NLRP3: variants seen among roughly 807,000 people sequenced by gnomAD.
NLRP3 encodes NACHT, LRR and PYD domains-containing protein 3.
A neutral mutation model predicts 91.3 loss-of-function variants in NLRP3; 48 were observed. The ratio of observed to expected loss-of-function variants is 0.53; its 90% CI spans 0.42 to 0.67. The LOEUF (loss-of-function observed/expected upper bound fraction) is 0.67. NLRP3 is among the 30% of genes least tolerant of loss of function. The pLI, the probability that NLRP3 is intolerant of heterozygous loss-of-function variation, is 0.00. For synonymous variants in NLRP3, 561 were observed against 507.9 expected, an observed-to-expected ratio of 1.10 and a Z score of -1.41; for missense variants, 982 against 1,276.9, an observed-to-expected ratio of 0.77 and a Z score of 3.52.
chr1:247,429,502 T>C, intron 4 of NLRP3, 83 bp from the exon 5 acceptor site: 1 of 1,483,968 alleles, frequency 6.7e-7, no homozygotes, highest in South Asian at 1.1e-5. Flanking sequence ...TCTGAACTGG[T>C]GCCAGGCACC....
rs1491303088 is a variant in NLRP3, at chr1:247,419,164, A to ATATATATATTTTT, written c.277+88_277+89insATATATATTTTTT. ...CATCTTTATATATATATATATATAT[A>ATATATATATTTTT]TTTTTTTTTGAGACGGAGTTGCTCT... is the stretch of plus-strand genomic sequence containing the variant. On this transcript the variant is annotated intron_variant, in intron 2 of 9. Transcript: ENST00000336119. 9.4e-4 allele frequency: 649 copies of ATATATATATTTTT among 693,254 alleles called. 4 individuals are homozygous for ATATATATATTTTT. The African/African-American group carries it at 0.022, about 24-fold the overall frequency. 42.9% of individuals were successfully genotyped at this position (693,254 alleles called of 1,614,324 possible).
At chr1:247,441,084 CCT>C (rs1351057337) in intron 7 of NLRP3, among the ~76,000 whole-genome samples, 2 of 150,818 alleles carry the variant, frequency 1.3e-5, no homozygotes, top group African/African-American at 4.9e-5. Flanking sequence ...TTCCTTCCTT[CCT>C]TCCTTCTTCC....
At chr1:247,444,942 T>TG in intron 9 of NLRP3, 121 bp downstream of exon 9, 1 of 1,002,022 alleles carries the variant, frequency 1.0e-6, no homozygotes, top group South Asian at 1.4e-5. Flanking sequence ...AGGTTGGGCC[T>TG]GGGTCAGTTG....
At chr1:247,426,973 A>G (rs889401320) in intron 4 of NLRP3, among the ~76,000 whole-genome samples, 4 of 152,188 alleles carry the variant, frequency 2.6e-5, no homozygotes, top group African/African-American at 9.7e-5. Context: ...TGACTGGAAA[A>G]AAGACAGTTG....
intron 7 of NLRP3, among the ~76,000 whole-genome samples, chr1:247,439,954 A>C (rs745411988): frequency 2.0e-5 from 3 of 152,270 alleles, no homozygotes; most frequent in Non-Finnish European, 4.4e-5. Context: ...ATAGGTATCT[A>C]TAAGTGGCAT....
chr1:247,431,096 A>G (rs1265613598), intron 5 of NLRP3, among the ~76,000 whole-genome samples: 1 of 152,058 alleles, frequency 6.6e-6, no homozygotes, highest in African/African-American at 2.4e-5. Flanking sequence ...AGGCAGGAGA[A>G]CTGTGTGTAC....
intron 4 of NLRP3, among the ~76,000 whole-genome samples, chr1:247,428,318 G>A (rs1045012522): frequency 7.9e-5 from 12 of 152,260 alleles, no homozygotes; most frequent in African/African-American, 2.2e-4. Context: ...GATGGCAGCT[G>A]CCTTACTCTG....
chr1:247,438,378 G>A (rs1387739830), intron 7 of NLRP3, among the ~76,000 whole-genome samples: 1 of 71,914 alleles, frequency 1.4e-5, no homozygotes, highest in African/African-American at 5.3e-5. Flanking sequence ...GTTTAGTTGT[G>A]TTTTTTTTTT....
intron 4 of NLRP3, among the ~76,000 whole-genome samples, chr1:247,426,104 T>C (rs1662859764): frequency 6.6e-6 from 1 of 152,180 alleles, no homozygotes; most frequent in African/African-American, 2.4e-5. Flanking sequence ...AAAGGAATTC[T>C]GCACTGAAGA....
At position 247,429,579 on chromosome 1, in the gene NLRP3, T is replaced by A; in HGVS notation, c.2151-6T>A. 6.2e-7 allele frequency: 1 copy of A among 1,614,140 alleles called. No individual in the cohort carries two copies. The highest frequency in any genetic ancestry group is 8.5e-7 in the Non-Finnish European group (1 of 1,179,974). Reference sequence around the variant, plus strand: ...CTTTTCTGTCTGTCTTCCTTCTAATTCCTAGATTGGTGAACAGCCACCTCA... The same window carrying A: ...CTTTTCTGTCTGTCTTCCTTCTAATACCTAGATTGGTGAACAGCCACCTCA... On this transcript the variant is annotated splice_region_variant and splice_polypyrimidine_tract_variant and intron_variant, in intron 4 of 9. Coordinates refer to ENST00000336119, the MANE Select transcript of NLRP3 (RefSeq NM_001243133.2).
chr1:247,426,766 T>A (rs1160578641), intron 4 of NLRP3, among the ~76,000 whole-genome samples: 2 of 151,824 alleles, frequency 1.3e-5, no homozygotes, highest in Non-Finnish European at 2.9e-5. Flanking sequence ...ACTTGCAGAG[T>A]ATCCAAAGCA....
chr1:247,422,322 G>A (rs1174849631), intron 2 of NLRP3, among the ~76,000 whole-genome samples: 1 of 151,286 alleles, frequency 6.6e-6, no homozygotes, highest in Non-Finnish European at 1.5e-5. Flanking sequence ...GAGGCTGCAG[G>A]GAGCCATGAT....
At chr1:247,423,788 G>A (rs1662645016) in intron 3 of NLRP3, 59 bp from the exon 4 acceptor site, 1 of 1,478,666 alleles carries the variant, frequency 6.8e-7, no homozygotes. Flanking sequence ...CCCCAGCTGA[G>A]AGCGCATCTC....
chr1:247,436,816 G>A (rs986659050), intron 7 of NLRP3, among the ~76,000 whole-genome samples: 3 of 152,184 alleles, frequency 2.0e-5, no homozygotes, highest in Non-Finnish European at 2.9e-5. Context: ...AACAGTAGTA[G>A]GGAATACCCA....
chr1:247,426,906 G>A (rs2103119652), intron 4 of NLRP3, among the ~76,000 whole-genome samples: 1 of 152,320 alleles, frequency 6.6e-6, no homozygotes, highest in African/African-American at 2.4e-5. Context: ...GGTGTTGAGA[G>A]AGAGGGCAGG....
chr1:247,444,900 G>A, intron 9 of NLRP3, 79 bp downstream of exon 9: 1 of 1,468,650 alleles, frequency 6.8e-7, no homozygotes, highest in Non-Finnish European at 9.4e-7. Context: ...AATCCAGGAT[G>A]GCTCTCGCTT....
At chr1:247,416,277 C>T (rs1194254802) in intron 1 of NLRP3, 84 bp downstream of exon 1, 1 of 152,334 alleles carries the variant, frequency 6.6e-6, no homozygotes, top group Non-Finnish European at 1.5e-5. Flanking sequence ...AGAACTTGTC[C>T]TGGTTAATGC....
At chr1:247,442,926 C>CTATT (rs1001134473) in intron 7 of NLRP3, among the ~76,000 whole-genome samples, 2 of 151,948 alleles carry the variant, frequency 1.3e-5, no homozygotes, top group South Asian at 2.1e-4. Flanking sequence ...CTGGCTTTTT[C>CTATT]TATTTATTTA....
rs199878892 is a variant in NLRP3, at chr1:247,444,135, G to T, written c.2827G>T (p.Val943Leu). ...GLLHPDCKLQ[V>L]LELDNCNLTS... The stretch of plus-strand genomic sequence containing the variant: ...CTTGCACCCCGACTGCAAGCTTCAG[G>T]TGTTGGAGTAAGTCCTTTGGTTTAT... The change falls in exon 8 of 10, where the codon GTG becomes TTG. Residue 943 changes from valine to leucine, a missense_variant. By Grantham distance (32) the Val-to-Leu change is conservative. Around this residue, in one of 5 missense-constraint regions of NLRP3, gnomAD observed 373 missense variants for 431.5 expected, o/e 0.86. Coordinates refer to ENST00000336119, the MANE Select transcript of NLRP3 (RefSeq NM_001243133.2). 1.1e-5 allele frequency: 18 copies of T among 1,614,112 alleles called. No homozygotes were observed. Among genetic ancestry groups the T allele is most frequent in the Middle Eastern group, 1.6e-4 (1 of 6,084 alleles).
Sources: allele counts gnomAD v4.1 joint callset (sites outside exome capture counted in the v4.1 genomes callset), GRCh38; gene constraint gnomAD v4.1.1; regional missense constraint gnomAD v4.1.1; transcripts MANE v1.5; gene names NCBI Gene and HGNC (gene_info 2026-07-23, HGNC 2026-07-21).